NPHP1: variants seen among roughly 807,000 people sequenced by gnomAD.
NPHP1 encodes nephrocystin 1.
Under a neutral mutation model 90.4 loss-of-function variants are expected in NPHP1, and 70 were observed. The ratio of observed to expected loss-of-function variants is 0.77; its 90% confidence interval spans 0.64 to 0.95. The LOEUF (loss-of-function observed/expected upper bound fraction) is 0.95. Among genes scored for constraint, NPHP1 ranks in the 40% least tolerant of loss-of-function variants. The probability of loss-of-function intolerance (pLI) is 0.00; values close to 1 mark genes in which losing one functional copy is unlikely to be tolerated. For synonymous variants in NPHP1, 256 were observed against 271.7 expected (o/e 0.94, Z 0.57); for missense variants, 764 against 795.9 (o/e 0.96, Z 0.48).
At chr2:110,126,301 G>T in intron 18 of NPHP1, 1 of 157,530 alleles carries the variant, frequency 6.3e-6, no homozygotes, top group Non-Finnish European at 1.4e-5. Context: ...CCTGTTCCAG[G>T]GTCTGGGTTC....
chr2:110,179,778 G>A (rs1199695660), intron 2 of NPHP1, 94 bp from the exon 3 acceptor site: 20 of 632,504 alleles, frequency 3.2e-5, no homozygotes, highest in Non-Finnish European at 5.3e-5. Context: ...AGCAGGCAAG[G>A]CAATTAGCCA....
intron 2 of NPHP1, among the ~76,000 whole-genome samples, chr2:110,196,378 T>C (rs1685166905): frequency 1.3e-5 from 2 of 152,108 alleles, no homozygotes; most frequent in Non-Finnish European, 2.9e-5. Flanking sequence ...AGAAGACATT[T>C]ATGCAGCCAA....
In NPHP1 at chr2:110,170,039, T is replaced by C. The variant is rs551303655; in HGVS notation, c.330-41A>G. On this transcript the variant is annotated intron_variant, in intron 4 of 19. Coordinates refer to ENST00000445609, the MANE Select transcript of NPHP1 (RefSeq NM_001128178.3). ...CTGAGTAGGACTACTTGAAATAATA[T>C]ACAAGAACAGACCAGCTATGAGTGT... 9 of 1,611,264 alleles carry C rather than the reference T, an allele frequency of 5.6e-6. No homozygotes were observed. The East Asian group carries it at 1.3e-4, about 24-fold the overall frequency.
chr2:110,166,313 T>C (rs914154769), intron 6 of NPHP1, among the ~76,000 whole-genome samples: 1 of 152,188 alleles, frequency 6.6e-6, no homozygotes, highest in Non-Finnish European at 1.5e-5. Context: ...CAACACAAGT[T>C]GCTGGCTGGC....
intron 16 of NPHP1, among the ~76,000 whole-genome samples, chr2:110,132,278 A>G (rs959363072): frequency 6.6e-6 from 1 of 152,194 alleles, no homozygotes; most frequent in East Asian, 1.9e-4. Flanking sequence ...TAATTAATTC[A>G]TCTCCTTGTG....
At chr2:110,133,287 GC>G (rs1236524428) in intron 16 of NPHP1, among the ~76,000 whole-genome samples, 1 of 151,926 alleles carries the variant, frequency 6.6e-6, no homozygotes, top group East Asian at 1.9e-4. Flanking sequence ...TAGACTTCAA[GC>G]CCCCCAAAAG....
At chr2:110,196,221 T>C (rs1449278335) in intron 2 of NPHP1, among the ~76,000 whole-genome samples, 5 of 152,014 alleles carry the variant, frequency 3.3e-5, no homozygotes, top group Non-Finnish European at 5.9e-5. Flanking sequence ...ACAGGCAACC[T>C]ACAGAATGGG....
chr2:110,198,178 C>T (rs888953067), intron 2 of NPHP1, among the ~76,000 whole-genome samples: 46 of 151,998 alleles, frequency 3.0e-4, no homozygotes, highest in Admixed American at 2.3e-3. Context: ...GGGTGGAAGA[C>T]GCAACACAAG....
chr2:110,199,110 G>A (rs959263203), intron 2 of NPHP1, among the ~76,000 whole-genome samples: 5 of 151,922 alleles, frequency 3.3e-5, no homozygotes, highest in African/African-American at 9.7e-5. Flanking sequence ...AGAACAATTC[G>A]AGAACAAGAG....
intron 4 of NPHP1, among the ~76,000 whole-genome samples, chr2:110,176,538 T>A (rs1038269207): frequency 1.1e-4 from 17 of 152,138 alleles, no homozygotes; most frequent in African/African-American, 4.1e-4. Context: ...ATGGACACAT[T>A]ACATGACTCA....
chr2:110,127,046 C>T (rs1679419642), intron 18 of NPHP1: 1 of 152,318 alleles, frequency 6.6e-6, no homozygotes, highest in South Asian at 2.1e-4. Context: ...GAAGACTATA[C>T]CTCCTTTGAA....
chr2:110,160,790 T>C (rs1682253574), intron 10 of NPHP1, among the ~76,000 whole-genome samples: 2 of 152,206 alleles, frequency 1.3e-5, no homozygotes, highest in Admixed American at 1.3e-4. Context: ...TAAATTGGCA[T>C]TCTGATTTTT....
At chr2:110,160,838 A>T (rs976793864) in intron 10 of NPHP1, among the ~76,000 whole-genome samples, 1 of 152,160 alleles carries the variant, frequency 6.6e-6, no homozygotes, top group Admixed American at 6.5e-5. Flanking sequence ...TAAACTTTAC[A>T]TTCTGCTTTA....
In NPHP1 at chr2:110,125,486, ATG is replaced by A. The variant is rs1679284736; in HGVS notation, c.1761+149_1761+150del. ...AACGATCATGCGTAACCCTCTTGGA[ATG>A]TGTTTTTGCAGCCATAATGAAACAG... On this transcript the variant is annotated intron_variant, in intron 19 of 19. Coordinates refer to ENST00000445609, the MANE Select transcript of NPHP1 (RefSeq NM_001128178.3). The A allele has an allele frequency of 1.0e-4, 114 of 1,126,334 alleles. 2 individuals are homozygous for A. In the South Asian group the frequency reaches 1.4e-3, roughly 14 times the overall value. 69.8% of individuals were successfully genotyped at this position (1,126,334 alleles called of 1,614,324 possible). A position where few individuals can be genotyped will look rare whatever the true frequency, so the allele number is the denominator to read the frequency against.
At chr2:110,185,905 T>A (rs891815033) in intron 2 of NPHP1, among the ~76,000 whole-genome samples, 9 of 152,154 alleles carry the variant, frequency 5.9e-5, no homozygotes, top group African/African-American at 1.9e-4. Flanking sequence ...TTGGGAGAGT[T>A]TAAGGTGCCT....
chr2:110,132,013 A>G (rs1376954285), intron 16 of NPHP1, among the ~76,000 whole-genome samples: 4 of 152,154 alleles, frequency 2.6e-5, no homozygotes, highest in African/African-American at 9.7e-5. Flanking sequence ...CTGTGTTGCC[A>G]TTTTTGTGCT....
Position 110,147,903 on chromosome 2 carries a change from T to C in NPHP1, c.1269+13A>G. 7.1e-7 allele frequency: 1 copy of C among 1,416,948 alleles called. No homozygotes were observed. The highest frequency in any genetic ancestry group is 1.0e-6 in the Non-Finnish European group (1 of 1,000,076). 87.8% of individuals were successfully genotyped at this position (1,416,948 alleles called of 1,614,324 possible). ...CTGATACATTAGAAAGCCTTATCTT[T>C]CAACGGACATACATTGCGAATATAA... On this transcript the variant is annotated intron_variant, in intron 13 of 19. Coordinates refer to ENST00000445609, the MANE Select transcript of NPHP1 (RefSeq NM_001128178.3).
intron 5 of NPHP1, among the ~76,000 whole-genome samples, chr2:110,169,224 ATTC>A (rs1682937822): frequency 6.6e-6 from 1 of 152,160 alleles, no homozygotes; most frequent in African/African-American, 2.4e-5. Context: ...TTTGCATAAT[ATTC>A]TTATGTATTT....
chr2:110,181,744 CACA>C (rs1370371983), intron 2 of NPHP1, among the ~76,000 whole-genome samples: 2 of 152,092 alleles, frequency 1.3e-5, no homozygotes, highest in Non-Finnish European at 2.9e-5. Context: ...TCCAAATGAC[CACA>C]ACACCACTCC....
Sources: allele counts gnomAD v4.1 joint callset (sites outside exome capture counted in the v4.1 genomes callset), GRCh38; gene constraint gnomAD v4.1.1; transcripts MANE v1.5; gene names NCBI Gene and HGNC (gene_info 2026-07-23, HGNC 2026-07-21).